The following EXOC6B variants were observed in gnomAD, a reference collection of about 807,000 sequenced individuals.
The protein encoded by EXOC6B is exocyst complex component 6B.
EXOC6B carries 54 observed loss-of-function variants against 113.5 expected under a neutral mutation model. The ratio of observed to expected loss-of-function variants is 0.48; its 90% CI spans 0.38 to 0.60. EXOC6B has a LOEUF of 0.60. EXOC6B is among the 20% of genes least tolerant of loss of function. The pLI is 0.00. For synonymous variants in EXOC6B, 357 were observed against 339.0 expected, an observed-to-expected ratio of 1.05 and a Z score of -0.58; for missense variants, 797 against 977.5, an observed-to-expected ratio of 0.82 and a Z score of 2.46.
intron 18 of EXOC6B, among the ~76,000 whole-genome samples, chr2:72,451,024 C>T (rs577812649): frequency 6.6e-6 from 1 of 152,182 alleles, no homozygotes; most frequent in South Asian, 2.1e-4. Flanking sequence ...CCTAGGGAAC[C>T]GATACCTCCT....
At chr2:72,770,043 T>C (rs961405606) in intron 1 of EXOC6B, among the ~76,000 whole-genome samples, 1 of 152,106 alleles carries the variant, frequency 6.6e-6, no homozygotes, top group Admixed American at 6.5e-5. Context: ...AAAATTTGAA[T>C]ATACAATAAC....
chr2:72,624,138 CT>C (rs113271545), intron 6 of EXOC6B, among the ~76,000 whole-genome samples: 6 of 149,840 alleles, frequency 4.0e-5, no homozygotes, highest in Non-Finnish European at 6.0e-5. Flanking sequence ...ATCAGATCAT[CT>C]TTTTTTTTTC....
intron 20 of EXOC6B, among the ~76,000 whole-genome samples, chr2:72,299,570 G>A (rs186542428): frequency 2.0e-5 from 3 of 152,114 alleles, no homozygotes; most frequent in East Asian, 1.9e-4. Context: ...CCTTGTTGGC[G>A]ATCCTTTGGG....
intron 20 of EXOC6B, among the ~76,000 whole-genome samples, chr2:72,216,864 A>G (rs564869576): frequency 1.3e-5 from 2 of 152,176 alleles, no homozygotes; most frequent in East Asian, 3.9e-4. Flanking sequence ...GAACACATGG[A>G]CACAGGGAGG....
chr2:72,496,423 C>A, intron 14 of EXOC6B, 31 bp downstream of exon 14: 1 of 1,389,698 alleles, frequency 7.2e-7, no homozygotes, highest in Non-Finnish European at 1.0e-6. Flanking sequence ...GCCAAAACAA[C>A]CAGAGAAATT....
At chr2:72,353,023 A>C (rs371848244) in intron 19 of EXOC6B, among the ~76,000 whole-genome samples, 2 of 152,214 alleles carry the variant, frequency 1.3e-5, no homozygotes, top group African/African-American at 4.8e-5. Context: ...TGAATGCATC[A>C]GAAATTCTTG....
chr2:72,305,093 C>T (rs1686754567), intron 20 of EXOC6B, among the ~76,000 whole-genome samples: 1 of 152,130 alleles, frequency 6.6e-6, no homozygotes, highest in Admixed American at 6.5e-5. Context: ...ATGCTAAGCA[C>T]TTTCCATGGA....
rs1558748211 is a variant in EXOC6B at position 72,512,347 on chromosome 2, GGAAGGAAGGAAGGAAGGAAA to G, written c.1167+765_1167+784del. On this transcript the variant is annotated intron_variant, in intron 11 of 21. Coordinates refer to ENST00000272427, the MANE Select transcript of EXOC6B (RefSeq NM_015189.3). ...AGGAAGGAAGGAAGGAAGGAAGGAA[GGAAGGAAGGAAGGAAGGAAA>G]GAAGGAAGGAAGGAAGGAAGGAAGG... is the stretch of plus-strand genomic sequence containing the variant. 1.8e-3 allele frequency among the ~76,000 whole-genome samples: 15 copies of G among 8,288 alleles called. 1 individual carries two copies. Among genetic ancestry groups the G allele is most frequent in the East Asian group, 0.018 (1 of 56 alleles). 5.4% of individuals were successfully genotyped at this position (8,288 alleles called of 152,430 possible).
chr2:72,342,483 A>G (rs1452408907), intron 19 of EXOC6B, among the ~76,000 whole-genome samples: 3 of 152,188 alleles, frequency 2.0e-5, no homozygotes, highest in Non-Finnish European at 4.4e-5. Flanking sequence ...CCACAATAAG[A>G]TAAAACCACC....
At chr2:72,477,905 C>T (rs1484744927) in intron 17 of EXOC6B, among the ~76,000 whole-genome samples, 2 of 152,088 alleles carry the variant, frequency 1.3e-5, no homozygotes, top group African/African-American at 2.4e-5. Flanking sequence ...TCACTACTTG[C>T]CATTACATTA....
intron 6 of EXOC6B, among the ~76,000 whole-genome samples, chr2:72,676,681 T>C (rs1010185469): frequency 6.6e-6 from 1 of 152,166 alleles, no homozygotes; most frequent in Non-Finnish European, 1.5e-5. Context: ...CATATAAAAT[T>C]TGAAATCTTC....
At chr2:72,757,054 T>C (rs923684215) in intron 1 of EXOC6B, among the ~76,000 whole-genome samples, 1 of 152,214 alleles carries the variant, frequency 6.6e-6, no homozygotes, top group African/African-American at 2.4e-5. Flanking sequence ...TGTATTACTT[T>C]ATCTATTACT....
intron 18 of EXOC6B, among the ~76,000 whole-genome samples, chr2:72,381,530 T>C (rs186643203): frequency 1.2e-3 from 180 of 152,258 alleles, no homozygotes; most frequent in Non-Finnish European, 2.2e-3. Flanking sequence ...TCTAGCAGGC[T>C]TTAAAGAGAA....
intron 1 of EXOC6B, among the ~76,000 whole-genome samples, chr2:72,743,185 C>T (rs1681452362): frequency 6.6e-6 from 1 of 152,126 alleles, no homozygotes; most frequent in Non-Finnish European, 1.5e-5. Flanking sequence ...TCCACTAAAA[C>T]ACGATCTAAA....
chr2:72,459,822 C>A (rs1697506466), intron 18 of EXOC6B, among the ~76,000 whole-genome samples: 1 of 152,094 alleles, frequency 6.6e-6, no homozygotes, highest in Non-Finnish European at 1.5e-5. Flanking sequence ...ATCAAGCTAC[C>A]AATGACTTTC....
intron 6 of EXOC6B, among the ~76,000 whole-genome samples, chr2:72,624,975 A>G (rs1671961753): frequency 6.7e-6 from 1 of 148,778 alleles, no homozygotes; most frequent in Admixed American, 6.9e-5. Flanking sequence ...ACAGCATTTT[A>G]TACTCTTCTA....
intron 18 of EXOC6B, among the ~76,000 whole-genome samples, chr2:72,387,540 T>C (rs1291082659): frequency 6.6e-6 from 1 of 152,158 alleles, no homozygotes; most frequent in East Asian, 1.9e-4. Context: ...CTGTTTATTC[T>C]TGAGTAATTT....
chr2:72,671,079 G>A (rs1675758255), intron 6 of EXOC6B, among the ~76,000 whole-genome samples: 1 of 152,122 alleles, frequency 6.6e-6, no homozygotes, highest in Non-Finnish European at 1.5e-5. Context: ...AAACATTGGG[G>A]AAATGCTCCA....
intron 19 of EXOC6B, among the ~76,000 whole-genome samples, chr2:72,379,010 G>A (rs1691523402): frequency 6.6e-6 from 1 of 152,144 alleles, no homozygotes; most frequent in Non-Finnish European, 1.5e-5. Context: ...AGACATACAG[G>A]AAAGTTTGTC....
Sources: allele counts gnomAD v4.1 joint callset (sites outside exome capture counted in the v4.1 genomes callset), GRCh38; gene constraint gnomAD v4.1.1; transcripts MANE v1.5; gene names NCBI Gene and HGNC (gene_info 2026-07-23, HGNC 2026-07-21).